MLLT3: variants seen among roughly 807,000 people sequenced by gnomAD.
The protein encoded by MLLT3 is MLLT3 super elongation complex subunit.
In MLLT3, 4 loss-of-function variants were observed where a neutral mutation model predicts 53.2. The observed-to-expected ratio is 0.08, with a 90% CI of 0.04 to 0.17. The LOEUF is 0.17. MLLT3 is among the 10% of genes least tolerant of loss of function. The pLI is 1.00. For missense variants in MLLT3, 569 were observed against 684.0 expected (o/e 0.83, Z 1.87); for synonymous variants, 283 against 230.6 (o/e 1.23, Z -2.06).
At chr9:20,427,844 T>C (rs1356308489) in intron 4 of MLLT3, among the ~76,000 whole-genome samples, 1 of 152,038 alleles carries the variant, frequency 6.6e-6, no homozygotes, top group African/African-American at 2.4e-5. Context: ...AACAAGACTA[T>C]TATTTTATAT....
In MLLT3 at chr9:20,495,145, T is replaced by C. The variant is rs552710861; in HGVS notation, c.194-38359A>G. Among the ~76,000 whole-genome samples, 63 of 152,288 alleles carry C rather than the reference T, an allele frequency of 4.1e-4. 1 individual carries two copies. The South Asian group carries it at 0.013, about 31-fold the overall frequency. ...AAGAGAAGAACTAGGCCTATATAAATCATTTTTCTCTCTGTCCATCATACT... is the reference window on the plus strand; with the variant it reads ...AAGAGAAGAACTAGGCCTATATAAACCATTTTTCTCTCTGTCCATCATACT... On this transcript the variant is annotated intron_variant, in intron 2 of 10. Transcript: ENST00000380338.
chr9:20,555,786 G>A (rs906971652), intron 2 of MLLT3, among the ~76,000 whole-genome samples: 7 of 152,160 alleles, frequency 4.6e-5, no homozygotes, highest in African/African-American at 1.2e-4. Context: ...TGGTCTTGAT[G>A]CAAATAAATA....
At chr9:20,589,424 G>A (rs1452506423) in intron 2 of MLLT3, among the ~76,000 whole-genome samples, 1 of 129,270 alleles carries the variant, frequency 7.7e-6, no homozygotes, top group African/African-American at 2.9e-5. Context: ...TCACACTCTG[G>A]GGACTGTTGT....
At chr9:20,434,255 A>G (rs1440807702) in intron 4 of MLLT3, among the ~76,000 whole-genome samples, 1 of 152,236 alleles carries the variant, frequency 6.6e-6, no homozygotes, top group East Asian at 1.9e-4. Flanking sequence ...GTAGTTATAT[A>G]AGAGAATGCC....
intron 5 of MLLT3, among the ~76,000 whole-genome samples, chr9:20,400,252 C>A (rs1248042787): frequency 3.3e-5 from 5 of 152,120 alleles, no homozygotes; most frequent in Admixed American, 6.5e-5. Flanking sequence ...AATTCTATGA[C>A]AACCAAGTTT....
At position 20,521,087 on chromosome 9, in the gene MLLT3, T is replaced by A. The variant is rs571577457; in HGVS notation, c.194-64301A>T. On this transcript the variant is annotated intron_variant, in intron 2 of 10. Coordinates refer to ENST00000380338, the MANE Select transcript of MLLT3 (RefSeq NM_004529.4). ...TTTTTTTTGTTCTTTCTTTTTTTTT[T>A]AAAGGAGAGAGTCTTGCTCTGTCAC... is the stretch of plus-strand genomic sequence containing the variant. 2.9e-3 allele frequency among the ~76,000 whole-genome samples: 442 copies of A among 151,816 alleles called. 1 individual carries two copies. The highest frequency in any genetic ancestry group is 9.9e-3 in the African/African-American group (410 of 41,394).
intron 2 of MLLT3, among the ~76,000 whole-genome samples, chr9:20,463,962 T>A (rs374924517): frequency 6.6e-6 from 1 of 151,998 alleles, no homozygotes; most frequent in East Asian, 1.9e-4. Context: ...ATCATAAAAG[T>A]TGGTCATCTG....
chr9:20,440,436 G>A (rs1363745653), intron 4 of MLLT3, among the ~76,000 whole-genome samples: 1 of 152,100 alleles, frequency 6.6e-6, no homozygotes, highest in Non-Finnish European at 1.5e-5. Context: ...ACAACTCATG[G>A]AACAAGAAAA....
chr9:20,510,386 G>A (rs936236225), intron 2 of MLLT3, among the ~76,000 whole-genome samples: 1 of 152,142 alleles, frequency 6.6e-6, no homozygotes, highest in Admixed American at 6.5e-5. Flanking sequence ...GCCAAGGTGG[G>A]CAGATCACGA....
chr9:20,458,658 C>A (rs934873998), intron 2 of MLLT3, among the ~76,000 whole-genome samples: 3 of 152,182 alleles, frequency 2.0e-5, no homozygotes, highest in East Asian at 1.9e-4. Flanking sequence ...CAGTCTGCAA[C>A]TCTGAGGAGG....
intron 2 of MLLT3, among the ~76,000 whole-genome samples, chr9:20,596,096 C>A (rs1057400476): frequency 1.3e-5 from 2 of 152,144 alleles, no homozygotes; most frequent in Admixed American, 1.3e-4. Context: ...AAATTATGGG[C>A]AGGCTTAAGG....
At chr9:20,393,273 G>C in intron 5 of MLLT3, among the ~76,000 whole-genome samples, 1 of 152,182 alleles carries the variant, frequency 6.6e-6, no homozygotes, top group Non-Finnish European at 1.5e-5. Context: ...GACAGCCACA[G>C]TCTTTTCCAA....
At chr9:20,536,505 G>C (rs967812767) in intron 2 of MLLT3, among the ~76,000 whole-genome samples, 1 of 152,160 alleles carries the variant, frequency 6.6e-6, no homozygotes, top group Admixed American at 6.5e-5. Context: ...AATATGCAAT[G>C]CTAGCCCGTA....
At chr9:20,369,721 G>C (rs374202949) in intron 5 of MLLT3, among the ~76,000 whole-genome samples, 2 of 152,084 alleles carry the variant, frequency 1.3e-5, no homozygotes, top group South Asian at 4.1e-4. Context: ...AACCAAGGAT[G>C]ATTATATAAA....
intron 2 of MLLT3, among the ~76,000 whole-genome samples, chr9:20,494,038 G>T (rs771334447): frequency 6.6e-6 from 1 of 151,988 alleles, no homozygotes; most frequent in Non-Finnish European, 1.5e-5. Context: ...ACTAACAATA[G>T]ACTTGTCTTC....
chr9:20,436,047 T>C (rs909447870), intron 4 of MLLT3, among the ~76,000 whole-genome samples: 1 of 152,086 alleles, frequency 6.6e-6, no homozygotes, highest in African/African-American at 2.4e-5. Context: ...GAGCGGAAAA[T>C]CTTTTAATAT....
intron 2 of MLLT3, among the ~76,000 whole-genome samples, chr9:20,489,312 T>C (rs1824888913): frequency 6.6e-6 from 1 of 152,206 alleles, no homozygotes; most frequent in Non-Finnish European, 1.5e-5. Flanking sequence ...GTAAATATCC[T>C]ATAAACAATG....
At chr9:20,391,447 A>C (rs1822177599) in intron 5 of MLLT3, among the ~76,000 whole-genome samples, 1 of 152,204 alleles carries the variant, frequency 6.6e-6, no homozygotes, top group South Asian at 2.1e-4. Flanking sequence ...GAAGGCTGAC[A>C]GTATGAGGGA....
intron 5 of MLLT3, among the ~76,000 whole-genome samples, chr9:20,369,970 T>C (rs530851790): frequency 1.3e-5 from 2 of 152,332 alleles, no homozygotes; most frequent in South Asian, 4.1e-4. Flanking sequence ...GTTCTGATTT[T>C]TTCCCCTTCT....
Sources: gnomAD v4.1 joint callset for allele counts (sites outside exome capture counted in the v4.1 genomes callset) on GRCh38, gnomAD v4.1.1 for gene constraint, MANE v1.5 for transcripts, NCBI Gene and HGNC (gene_info 2026-07-23, HGNC 2026-07-21) for gene names.